Variants in POC1A observed in about 807,000 individuals in gnomAD.
The protein encoded by POC1A is POC1 centriolar protein A, also known as POC1 centriolar protein homolog A.
A neutral mutation model predicts 47.8 loss-of-function variants in POC1A; 34 were observed. The ratio of observed to expected loss-of-function variants is 0.71; its 90% CI spans 0.54 to 0.95. The LOEUF is 0.95. Ranked by LOEUF, POC1A falls within the 40% of genes least tolerant of loss-of-function variation. POC1A has a pLI of 0.00. For synonymous variants in POC1A, 177 were observed against 207.6 expected (o/e 0.85, Z 1.27); for missense variants, 466 against 528.3 (o/e 0.88, Z 1.16).
chr3:52,149,948 A>G lies in POC1A; in HGVS notation c.143T>C (p.Met48Thr). 6.2e-7 allele frequency: 1 copy of G among 1,613,808 alleles called. No individual in the cohort carries two copies. Among genetic ancestry groups the G allele is most frequent in the Non-Finnish European group, 8.5e-7 (1 of 1,180,014 alleles). Residue 48 changes from methionine (M) to threonine (T), a missense_variant, in exon 3 of 11, where the codon ATG becomes ACG. Physicochemically the swap from Met to Thr is moderately conservative, Grantham distance 81. Coordinates refer to ENST00000296484, the MANE Select transcript of POC1A (RefSeq NM_015426.5). ...GCGGTAGGCGCGTGACTGCGGCTTCATGTGCCAGACCATGAGGCATGAGTC... is the reference window on the plus strand; with the variant it reads ...GCGGTAGGCGCGTGACTGCGGCTTCGTGTGCCAGACCATGAGGCATGAGTC... Reference protein sequence around the residue: ...SMDSCLMVWHMKPQSRAYRFT... With the variant: ...SMDSCLMVWHTKPQSRAYRFT...
chr3:52,148,998 C>T (rs1326013846), intron 4 of POC1A, among the ~76,000 whole-genome samples: 2 of 152,222 alleles, frequency 1.3e-5, no homozygotes, highest in African/African-American at 4.8e-5. Context: ...GACTAACTTA[C>T]ATGTCATGCA....
At chr3:52,105,932 C>A (rs1009845533) in intron 9 of POC1A, among the ~76,000 whole-genome samples, 1 of 152,174 alleles carries the variant, frequency 6.6e-6, no homozygotes. Flanking sequence ...TGGTGGCTCA[C>A]GCCTGTAATC....
At chr3:52,076,306 C>T (rs529218363) in intron 10 of POC1A, among the ~76,000 whole-genome samples, 2 of 152,348 alleles carry the variant, frequency 1.3e-5, no homozygotes, top group South Asian at 4.1e-4. Context: ...GAACCCCCCA[C>T]CCTGGTGGCC....
intron 7 of POC1A, among the ~76,000 whole-genome samples, chr3:52,132,540 C>T (rs981670874): frequency 2.0e-5 from 3 of 152,050 alleles, no homozygotes; most frequent in Non-Finnish European, 1.5e-5. Context: ...GGCAATGCAC[C>T]ATAACCTGCA....
rs1156625374 is a variant in POC1A, at chr3:52,149,842, C to G, written c.249G>C (p.Lys83Asn). Residue 83 changes from lysine (K) to asparagine (N), a missense_variant, in exon 3 of 11, where the codon AAG becomes AAC. Transcript: ENST00000296484. ...CATTGGGTACCCAGATGCGGACAGT[C>G]TTGTCTCGGGAGCCGGAAGCAAGCA... The part of the protein sequence containing the change: ...GHLLASGSRD[K>N]TVRIWVPNVK... 4 of 1,613,764 alleles carry G rather than the reference C, an allele frequency of 2.5e-6. No individual in the cohort carries two copies. Among genetic ancestry groups the G allele is most frequent in the Non-Finnish European group, 3.4e-6 (4 of 1,180,004 alleles).
intron 4 of POC1A, among the ~76,000 whole-genome samples, chr3:52,147,388 T>C (rs1393031050): frequency 6.6e-6 from 1 of 152,196 alleles, no homozygotes; most frequent in African/African-American, 2.4e-5. Context: ...TTTTTCTTTT[T>C]TCCTTCTGAA....
chr3:52,121,300 G>T (rs1703770847), intron 9 of POC1A, among the ~76,000 whole-genome samples: 1 of 152,202 alleles, frequency 6.6e-6, no homozygotes, highest in African/African-American at 2.4e-5. Context: ...CTGGGTGGAA[G>T]ATGAACTGGC....
intron 2 of POC1A, among the ~76,000 whole-genome samples, chr3:52,150,285 C>T (rs889538153): frequency 1.3e-5 from 2 of 152,164 alleles, no homozygotes; most frequent in East Asian, 3.8e-4. Flanking sequence ...CCATGGGGCC[C>T]AGGGTCTCCC....
intron 10 of POC1A, among the ~76,000 whole-genome samples, chr3:52,085,330 T>A (rs1367144695): frequency 1.3e-5 from 2 of 152,160 alleles, no homozygotes; most frequent in African/African-American, 4.8e-5. Context: ...TCAGTCCCCA[T>A]CCTCACACCT....
At chr3:52,143,232 C>T (rs1236449188) in intron 6 of POC1A, among the ~76,000 whole-genome samples, 3 of 152,020 alleles carry the variant, frequency 2.0e-5, no homozygotes, top group African/African-American at 7.3e-5. Flanking sequence ...GGCCTGTCAG[C>T]CCACACACTC....
intron 9 of POC1A, among the ~76,000 whole-genome samples, chr3:52,121,492 CAT>C (rs1359673283): frequency 1.3e-5 from 2 of 152,296 alleles, no homozygotes; most frequent in East Asian, 3.9e-4. Flanking sequence ...AAAACGGGGG[CAT>C]GTGTGTGTGT....
At chr3:52,098,340 GA>G (rs1347720192) in intron 9 of POC1A, among the ~76,000 whole-genome samples, 6 of 152,210 alleles carry the variant, frequency 3.9e-5, no homozygotes, top group African/African-American at 1.4e-4. Flanking sequence ...GGCTGCTTAG[GA>G]AGGAGGGAAT....
intron 7 of POC1A, 99 bp from the exon 8 acceptor site, chr3:52,125,280 GA>G: frequency 9.8e-7 from 1 of 1,019,310 alleles, no homozygotes; most frequent in South Asian, 1.4e-5. Flanking sequence ...GCAGCAGCAG[GA>G]TAAAGGACCG....
chr3:52,114,497 G>C (rs780460151), intron 9 of POC1A, among the ~76,000 whole-genome samples: 82 of 152,340 alleles, frequency 5.4e-4, no homozygotes, highest in Admixed American at 2.0e-3. Context: ...CACAGGGGAA[G>C]GCACGGTTAT....
In POC1A at chr3:52,090,626, T is replaced by C. The variant is rs1702612529; in HGVS notation, c.1125+5943A>G. On this transcript the variant is annotated intron_variant, in intron 10 of 10. Transcript: ENST00000296484. The surrounding 1 kb of genome is among the most constrained non-coding windows in gnomAD (Gnocchi z 4.2). ...GGTGAGCTCATGTAGCAGTGGCTAT[T>C]TGTGGAAACAGCCTCTCTCCCTGCT... Among the ~76,000 whole-genome samples the C allele has an allele frequency of 6.6e-6, 1 of 152,040 alleles. No homozygotes were observed. The highest frequency in any genetic ancestry group is 1.5e-5 in the Non-Finnish European group (1 of 67,990).
At chr3:52,132,158 G>C (rs1271991720) in intron 7 of POC1A, among the ~76,000 whole-genome samples, 1 of 152,300 alleles carries the variant, frequency 6.6e-6, no homozygotes, top group East Asian at 1.9e-4. Context: ...TGGGATGTCA[G>C]TCTCACAGAT....
intron 9 of POC1A, among the ~76,000 whole-genome samples, chr3:52,117,089 G>A (rs1407397079): frequency 1.3e-5 from 2 of 151,956 alleles, no homozygotes; most frequent in Non-Finnish European, 2.9e-5. Context: ...TCGGGAGGCT[G>A]AGGCACAAGA....
At chr3:52,150,102 C>G (rs1381333272) in intron 2 of POC1A, 115 bp from the exon 3 acceptor site, 24 of 791,172 alleles carry the variant, frequency 3.0e-5, no homozygotes, top group Non-Finnish European at 4.2e-5. Context: ...CTGGCATCCA[C>G]AAACAGACCG....
chr3:52,080,799 G>C (rs1386132653), intron 10 of POC1A, among the ~76,000 whole-genome samples: 1 of 152,138 alleles, frequency 6.6e-6, no homozygotes, highest in Non-Finnish European at 1.5e-5. Context: ...ACTGCTGGGT[G>C]GCCCATCCCC....
Sources: allele counts gnomAD v4.1 joint callset (sites outside exome capture counted in the v4.1 genomes callset), GRCh38; gene constraint gnomAD v4.1.1; non-coding constraint Gnocchi (gnomAD v3.1); transcripts MANE v1.5; gene names NCBI Gene and HGNC (gene_info 2026-07-23, HGNC 2026-07-21).